Variants in PTPRN2 observed in about 807,000 individuals in gnomAD.
The protein encoded by PTPRN2 is protein tyrosine phosphatase receptor type N2.
Under a neutral mutation model 118.8 loss-of-function variants are expected in PTPRN2, and 74 were observed. That is an observed-to-expected ratio of 0.62 (90% confidence interval 0.52 to 0.76). PTPRN2 has a LOEUF of 0.76. Among genes scored for constraint, PTPRN2 ranks in the 30% least tolerant of loss-of-function variants. The pLI, the probability that PTPRN2 is intolerant of heterozygous loss-of-function variation, is 0.00. For missense variants in PTPRN2, 1,481 were observed against 1,394.4 expected, an observed-to-expected ratio of 1.06 and a Z score of -0.99; for synonymous variants, 641 against 608.0, an observed-to-expected ratio of 1.05 and a Z score of -0.80.
intron 2 of PTPRN2, among the ~76,000 whole-genome samples, chr7:158,452,777 C>G (rs563803564): frequency 6.6e-6 from 1 of 152,344 alleles, no homozygotes; most frequent in South Asian, 2.1e-4. Context: ...AGTCCCAACA[C>G]CACAGTTAGA....
chr7:158,194,809 C>T (rs1016715851), intron 4 of PTPRN2, among the ~76,000 whole-genome samples: 2 of 152,214 alleles, frequency 1.3e-5, no homozygotes, highest in Non-Finnish European at 2.9e-5. Context: ...ATAACTGTCA[C>T]GTTTAACTGA....
chr7:157,848,737 G>T (rs542452235), intron 12 of PTPRN2, among the ~76,000 whole-genome samples: 1 of 152,228 alleles, frequency 6.6e-6, no homozygotes, highest in Non-Finnish European at 1.5e-5. Flanking sequence ...GCCCCTGTCC[G>T]CAGGCTGCCA....
At chr7:158,357,131 G>A (rs914844594) in intron 2 of PTPRN2, among the ~76,000 whole-genome samples, 3 of 152,252 alleles carry the variant, frequency 2.0e-5, no homozygotes, top group African/African-American at 4.8e-5. Flanking sequence ...AAGATTTGAG[G>A]ACGGAAGAGG....
rs535948365 is a variant in PTPRN2 at position 158,361,919 on chromosome 7, G to A, written c.164-44987C>T. 3.4e-4 allele frequency among the ~76,000 whole-genome samples: 51 copies of A among 152,172 alleles called. No homozygotes were observed. In the South Asian group the frequency reaches 0.01, roughly 30 times the overall value. On this transcript the variant is annotated intron_variant, in intron 2 of 22. Transcript: ENST00000389418. ...CATCCCCCTCTTCCCAGCTCTTCCC[G>A]CTGAGCCTGGACCCTGCCTATGGAG...
chr7:157,693,461 G>A (rs1335896705), intron 12 of PTPRN2, among the ~76,000 whole-genome samples: 1 of 152,124 alleles, frequency 6.6e-6, no homozygotes, highest in South Asian at 2.1e-4. Context: ...CCCCGGGATC[G>A]GCCGCTGGGG....
chr7:158,214,239 ATC>A (rs1368388256), intron 3 of PTPRN2, among the ~76,000 whole-genome samples: 2 of 152,002 alleles, frequency 1.3e-5, no homozygotes, highest in Admixed American at 1.3e-4. Context: ...TACAACTAAA[ATC>A]TCTGAGCATA....
chr7:157,795,224 G>T (rs1804796434), intron 12 of PTPRN2, among the ~76,000 whole-genome samples: 1 of 151,168 alleles, frequency 6.6e-6, no homozygotes, highest in African/African-American at 2.5e-5. Context: ...ACCTGGGAGG[G>T]GGACTCAAGC....
chr7:158,145,890 T>C (rs1274704484), intron 6 of PTPRN2, among the ~76,000 whole-genome samples: 8 of 152,180 alleles, frequency 5.3e-5, no homozygotes, highest in Admixed American at 5.2e-4. Flanking sequence ...GCCCCAGCGC[T>C]CATGGTCTGT....
chr7:157,736,784 C>A (rs1359220599), intron 12 of PTPRN2, among the ~76,000 whole-genome samples: 1 of 152,208 alleles, frequency 6.6e-6, no homozygotes, highest in African/African-American at 2.4e-5. Context: ...ACGGCGCTCA[C>A]CTACATCTTA....
At chr7:157,578,673 C>A (rs1800184517) in intron 17 of PTPRN2, among the ~76,000 whole-genome samples, 1 of 152,200 alleles carries the variant, frequency 6.6e-6, no homozygotes, top group South Asian at 2.1e-4. Context: ...CAGATTAAAG[C>A]AAATACCAAA....
At chr7:158,341,025 A>G (rs1453326950) in intron 2 of PTPRN2, among the ~76,000 whole-genome samples, 285 of 11,336 alleles carry the variant, frequency 0.025, 1 homozygote, top group African/African-American at 0.046. Flanking sequence ...CGTCACTCAC[A>G]CCCACACTCA....
chr7:157,565,998 T>C lies in PTPRN2; in HGVS notation c.2902+2904A>G, dbSNP rs570861591. On this transcript the variant is annotated intron_variant, in intron 21 of 22. Coordinates refer to ENST00000389418, the MANE Select transcript of PTPRN2 (RefSeq NM_002847.5). Reference sequence around the variant, plus strand: ...CATTCCAAACTGCATCATCGTCTACTTGCTGCTAAACTGGACAGTAGAGAA... The same window carrying C: ...CATTCCAAACTGCATCATCGTCTACCTGCTGCTAAACTGGACAGTAGAGAA... 2.0e-5 allele frequency among the ~76,000 whole-genome samples: 3 copies of C among 152,366 alleles called. No individual in the cohort carries two copies. In the East Asian group the frequency reaches 5.8e-4, roughly 29 times the overall value.
chr7:158,145,804 C>T (rs1819906182), intron 6 of PTPRN2, among the ~76,000 whole-genome samples: 1 of 152,212 alleles, frequency 6.6e-6, no homozygotes, highest in Non-Finnish European at 1.5e-5. Flanking sequence ...GATCATCCAT[C>T]CTTGTGCTGC....
chr7:157,868,675 ACTCC>A lies in PTPRN2; in HGVS notation c.1788+29994_1788+29997del, dbSNP rs1292273658. ...TGAGGGGCTATGCCTTCCCTTGCTCACTCCCTCCCTCACCCACCTGCCCACTCGC... is the reference window on the plus strand; with the variant it reads ...TGAGGGGCTATGCCTTCCCTTGCTCACTCCCTCACCCACCTGCCCACTCGC... On this transcript the variant is annotated intron_variant, in intron 12 of 22. Coordinates refer to ENST00000389418, the MANE Select transcript of PTPRN2 (RefSeq NM_002847.5). This position sits in a 1 kb window ranked among gnomAD's most constrained non-coding sequence, Gnocchi z 5.2. 6.6e-6 allele frequency: 1 copy of A among 151,342 alleles called. No homozygotes were observed. Among genetic ancestry groups the A allele is most frequent in the African/African-American group, 2.4e-5 (1 of 41,092 alleles). 9.4% of individuals were successfully genotyped at this position (151,342 alleles called of 1,614,324 possible). A position where few individuals can be genotyped will look rare whatever the true frequency, so the allele number is the denominator to read the frequency against.
chr7:158,201,909 G>A (rs967875348), intron 4 of PTPRN2, among the ~76,000 whole-genome samples: 2 of 152,142 alleles, frequency 1.3e-5, no homozygotes, highest in African/African-American at 4.8e-5. Flanking sequence ...TGAGCACCCT[G>A]GGCCCATGTT....
Position 158,580,433 on chromosome 7 carries a change from A to T in PTPRN2, c.112+7125T>A, listed in dbSNP as rs552871560. On this transcript the variant is annotated intron_variant, in intron 1 of 22. Coordinates refer to ENST00000389418, the MANE Select transcript of PTPRN2 (RefSeq NM_002847.5). ...CCTTCCGCCAAACAAACCATTTCTA[A>T]ACATGCCCTTTGTGCTGTATACAGA... Among the ~76,000 whole-genome samples, 21 of 152,326 alleles carry T rather than the reference A, an allele frequency of 1.4e-4. No individual in the cohort carries two copies. In the South Asian group the frequency reaches 4.1e-3, roughly 30 times the overall value.
chr7:157,998,753 T>A (rs1804980237), intron 11 of PTPRN2, among the ~76,000 whole-genome samples: 1 of 139,538 alleles, frequency 7.2e-6, no homozygotes, highest in Admixed American at 7.9e-5. Context: ...ATCTGGGAGG[T>A]GGAGCTTGCA....
chr7:157,771,921 CAG>C (rs1563091165), intron 12 of PTPRN2, among the ~76,000 whole-genome samples: 1 of 148,346 alleles, frequency 6.7e-6, no homozygotes, highest in Non-Finnish European at 1.5e-5. Flanking sequence ...GACAAACACA[CAG>C]AGACACACAC....
At chr7:158,291,059 C>T (rs1800090677) in intron 3 of PTPRN2, among the ~76,000 whole-genome samples, 1 of 152,184 alleles carries the variant, frequency 6.6e-6, no homozygotes, top group African/African-American at 2.4e-5. Flanking sequence ...AGAGATGGGG[C>T]ATTTCTGCTC....
Sources: gnomAD v4.1 joint callset for allele counts (sites outside exome capture counted in the v4.1 genomes callset) on GRCh38, gnomAD v4.1.1 for gene constraint, Gnocchi (gnomAD v3.1) non-coding constraint, MANE v1.5 for transcripts, NCBI Gene and HGNC (gene_info 2026-07-23, HGNC 2026-07-21) for gene names.